Variants in WWOX observed in about 807,000 individuals in gnomAD.
WWOX encodes WW domain containing oxidoreductase.
WWOX carries 69 observed loss-of-function variants against 46.2 expected under a neutral mutation model. The observed-to-expected ratio is 1.49, with a 90% CI of 1.23 to 1.82. The LOEUF (loss-of-function observed/expected upper bound fraction) is 1.82. WWOX is among the 40% of genes most tolerant of loss of function. The probability of loss-of-function intolerance (pLI) is 0.00; values close to 1 mark genes in which losing one functional copy is unlikely to be tolerated. For synonymous variants in WWOX, 359 were observed against 202.6 expected (o/e 1.77, Z -6.56); for missense variants, 919 against 542.6 (o/e 1.69, Z -6.89).
chr16:79,043,662 T>C, intron 8 of WWOX, among the ~76,000 whole-genome samples: 1 of 152,202 alleles, frequency 6.6e-6, no homozygotes, highest in Non-Finnish European at 1.5e-5. Flanking sequence ...ATGATGATTT[T>C]TGTCATGTAA....
chr16:79,042,649 G>A (rs1356231971), intron 8 of WWOX, among the ~76,000 whole-genome samples: 4 of 151,928 alleles, frequency 2.6e-5, no homozygotes, highest in East Asian at 1.9e-4. Context: ...TTAATCATAC[G>A]CATACAGTGC....
At chr16:78,484,652 G>T (rs898742127) in intron 8 of WWOX, among the ~76,000 whole-genome samples, 6 of 152,138 alleles carry the variant, frequency 3.9e-5, no homozygotes, top group Non-Finnish European at 8.8e-5. Context: ...TTGAGTGGAT[G>T]TGGGGCTTTA....
intron 8 of WWOX, among the ~76,000 whole-genome samples, chr16:78,476,200 T>C (rs1213095533): frequency 3.3e-5 from 5 of 152,188 alleles, no homozygotes; most frequent in Admixed American, 3.3e-4. Flanking sequence ...ATTGTGGTTT[T>C]GATTTGCATT....
At chr16:78,562,950 G>A (rs1475749641) in intron 8 of WWOX, among the ~76,000 whole-genome samples, 1 of 152,006 alleles carries the variant, frequency 6.6e-6, no homozygotes. Context: ...TCTGCCATAT[G>A]CTGTGCAGAT....
At chr16:78,561,393 A>C (rs775308505) in intron 8 of WWOX, among the ~76,000 whole-genome samples, 1 of 152,140 alleles carries the variant, frequency 6.6e-6, no homozygotes, top group African/African-American at 2.4e-5. Flanking sequence ...CTGGATTTCA[A>C]GGGCTCACGT....
intron 6 of WWOX, among the ~76,000 whole-genome samples, chr16:78,391,595 C>T (rs1462597614): frequency 1.3e-5 from 2 of 152,186 alleles, no homozygotes; most frequent in Admixed American, 1.3e-4. Context: ...CACATGTAAT[C>T]CCAGCACCTG....
chr16:78,888,491 G>C (rs985634865), intron 8 of WWOX, among the ~76,000 whole-genome samples: 1 of 152,156 alleles, frequency 6.6e-6, no homozygotes. Context: ...GGTGCTAACT[G>C]ACAGCTCTAG....
intron 4 of WWOX, among the ~76,000 whole-genome samples, chr16:78,160,874 T>C (rs539231665): frequency 1.2e-4 from 19 of 152,338 alleles, no homozygotes; most frequent in Admixed American, 1.1e-3. Context: ...AAGAGGGATA[T>C]GTTAAAATCT....
intron 8 of WWOX, among the ~76,000 whole-genome samples, chr16:78,790,870 T>C (rs1815705151): frequency 6.6e-6 from 1 of 151,458 alleles, no homozygotes; most frequent in Admixed American, 6.6e-5. Context: ...AATACAAAAA[T>C]TAGCCGGGCG....
chr16:79,207,768 C>T (rs1275405218), intron 8 of WWOX, among the ~76,000 whole-genome samples: 1 of 146,452 alleles, frequency 6.8e-6, no homozygotes, highest in Non-Finnish European at 1.5e-5. Context: ...CAATGCATTA[C>T]AAATATCAAT....
intron 5 of WWOX, among the ~76,000 whole-genome samples, chr16:78,283,201 T>C (rs931198671): frequency 6.6e-6 from 1 of 152,124 alleles, no homozygotes; most frequent in Non-Finnish European, 1.5e-5. Context: ...ACAACGTGCC[T>C]ACCTTCACCA....
intron 8 of WWOX, among the ~76,000 whole-genome samples, chr16:78,590,441 A>C (rs2045324993): frequency 6.6e-6 from 1 of 152,182 alleles, no homozygotes; most frequent in African/African-American, 2.4e-5. Context: ...CTTCAACTCT[A>C]ATATTATTTG....
At chr16:79,041,309 A>G (rs963096730) in intron 8 of WWOX, among the ~76,000 whole-genome samples, 1 of 152,080 alleles carries the variant, frequency 6.6e-6, no homozygotes, top group Non-Finnish European at 1.5e-5. Flanking sequence ...CTTGTCCCCC[A>G]GCCTCTGTGT....
At chr16:78,233,193 A>T (rs2037324647) in intron 5 of WWOX, among the ~76,000 whole-genome samples, 1 of 152,198 alleles carries the variant, frequency 6.6e-6, no homozygotes, top group Admixed American at 6.5e-5. Flanking sequence ...TTCTGAAAAG[A>T]TTACTGACGA....
intron 6 of WWOX, 72 bp downstream of exon 6, chr16:78,387,020 T>C (rs1278964805): frequency 3.2e-5 from 47 of 1,451,768 alleles, no homozygotes; most frequent in South Asian, 4.6e-5. Flanking sequence ...ATGAACACAA[T>C]TGGGAGAATG....
chr16:78,273,348 A>G (rs1437973051), intron 5 of WWOX, among the ~76,000 whole-genome samples: 1 of 151,926 alleles, frequency 6.6e-6, no homozygotes, highest in East Asian at 2.0e-4. Context: ...TTGGGGTGGT[A>G]TGGAACTCAG....
intron 5 of WWOX, among the ~76,000 whole-genome samples, chr16:78,174,398 T>C (rs1265206487): frequency 6.6e-6 from 1 of 151,982 alleles, no homozygotes. Context: ...TCCCCCCGGG[T>C]CCCTCCCACA....
intron 5 of WWOX, among the ~76,000 whole-genome samples, chr16:78,339,649 G>T (rs1254648044): frequency 8.4e-6 from 1 of 119,198 alleles, no homozygotes; most frequent in Non-Finnish European, 2.0e-5. Flanking sequence ...TGTATTTCAG[G>T]TTTCAAAATG....
intron 5 of WWOX, among the ~76,000 whole-genome samples, chr16:78,323,461 A>C (rs917411691): frequency 2.8e-4 from 43 of 151,926 alleles, no homozygotes; most frequent in African/African-American, 1.0e-3. Context: ...AGTTAATGAT[A>C]AATTGTTATC....
Sources: allele counts gnomAD v4.1 joint callset (sites outside exome capture counted in the v4.1 genomes callset), GRCh38; gene constraint gnomAD v4.1.1; transcripts MANE v1.5; gene names NCBI Gene and HGNC (gene_info 2026-07-23, HGNC 2026-07-21).